The following KLHL13 variants were observed in gnomAD, a reference collection of about 807,000 sequenced individuals.
KLHL13 encodes the protein kelch-like protein 13.
Under a neutral mutation model 37.1 loss-of-function variants are expected in KLHL13, and 10 were observed. The observed-to-expected ratio is 0.27, with a 90% CI of 0.17 to 0.46. The LOEUF is 0.46. KLHL13 is among the 20% of genes least tolerant of loss of function. The pLI, the probability that KLHL13 is intolerant of heterozygous loss-of-function variation, is 1.00. For missense variants in KLHL13, 360 were observed against 509.3 expected, an observed-to-expected ratio of 0.71 and a Z score of 2.82; for synonymous variants, 163 against 181.2, an observed-to-expected ratio of 0.90 and a Z score of 0.81.
At chrX:118,071,132 A>T (rs1304413885) in intron 1 of KLHL13, among the ~76,000 whole-genome samples, 2 of 112,062 alleles carry the variant, frequency 1.8e-5, no homozygotes, top group Non-Finnish European at 3.8e-5. Flanking sequence ...TATATGTGCC[A>T]CATTCTCTTA....
intron 1 of KLHL13, among the ~76,000 whole-genome samples, chrX:118,098,819 G>A (rs1299595288): frequency 6.7e-5 from 7 of 103,979 alleles, no homozygotes; most frequent in South Asian, 4.7e-4. Flanking sequence ...GCAAACTACC[G>A]CAAAGACAAA....
At chrX:117,953,694 C>T (rs1297999691) in intron 1 of KLHL13, among the ~76,000 whole-genome samples, 2 of 111,425 alleles carry the variant, frequency 1.8e-5, no homozygotes, top group East Asian at 5.6e-4. Flanking sequence ...CCCATTTATA[C>T]CAAGCCTAAA....
Position 117,913,366 on chromosome X carries a change from A to G in KLHL13, c.571-3270T>C, listed in dbSNP as rs143360698. ...TGGACTTATAATGCAATTTACATAT[A>G]TAATAGAATACACATTGAAAATATA... On this transcript the variant is annotated intron_variant, in intron 4 of 6. Transcript: ENST00000262820. Among the ~76,000 whole-genome samples, 1,029 of 112,438 alleles carry G rather than the reference A, an allele frequency of 9.2e-3. 15 individuals are homozygous for G. The highest frequency in any genetic ancestry group is 0.031 in the African/African-American group (951 of 30,989).
At chrX:118,086,369 T>C (rs1195751698) in intron 1 of KLHL13, among the ~76,000 whole-genome samples, 1 of 111,708 alleles carries the variant, frequency 9.0e-6, no homozygotes, top group African/African-American at 3.2e-5. Context: ...GTTGTACTAA[T>C]TTACATTCCC....
At chrX:118,076,536 C>T (rs1326640113) in intron 1 of KLHL13, among the ~76,000 whole-genome samples, 1 of 111,353 alleles carries the variant, frequency 9.0e-6, no homozygotes. Context: ...GAAGAAGAGA[C>T]TTGTGGAGCA....
At chrX:117,909,344 T>A in exon 5 of KLHL13, 3 of 1,207,228 alleles carry the variant, frequency 2.5e-6, no homozygotes, top group African/African-American at 3.5e-5. Flanking sequence ...CATACAGATA[T>A]CCTTTGAGGG....
chrX:118,052,912 C>A (rs2054633109), intron 1 of KLHL13, among the ~76,000 whole-genome samples: 1 of 110,064 alleles, frequency 9.1e-6, no homozygotes, highest in African/African-American at 3.3e-5. Context: ...TAAGGGTTGA[C>A]ACAAAACTTA....
chrX:117,939,402 C>G (rs6603350), intron 2 of KLHL13, among the ~76,000 whole-genome samples: 11,474 of 111,654 alleles, frequency 0.1, 593 homozygotes, highest in African/African-American at 0.2. Flanking sequence ...ATAAACATAC[C>G]TGTGCATGTG....
At chrX:118,109,961 GCCAGGGGTTCAACACCAGC>G (rs763051353) in intron 1 of KLHL13, among the ~76,000 whole-genome samples, 2 of 111,415 alleles carry the variant, frequency 1.8e-5, no homozygotes, top group African/African-American at 6.5e-5. Context: ...ATCACTTGAG[GCCAGGGGTTCAACACCAGC>G]CTGGGCAACA....
chrX:118,098,209 C>T (rs1241763926), intron 1 of KLHL13, among the ~76,000 whole-genome samples: 2 of 111,685 alleles, frequency 1.8e-5, no homozygotes, highest in African/African-American at 6.5e-5. Context: ...CCAGAATCTA[C>T]AATGAACTCA....
chrX:118,069,324 G>A (rs1208065746), intron 1 of KLHL13, among the ~76,000 whole-genome samples: 2 of 107,621 alleles, frequency 1.9e-5, no homozygotes, highest in Non-Finnish European at 3.8e-5. Context: ...AGATGTGTAA[G>A]TGGAAGGCAG....
chrX:118,091,885 T>C (rs921887886), intron 1 of KLHL13, among the ~76,000 whole-genome samples: 5 of 112,047 alleles, frequency 4.5e-5, no homozygotes, highest in Admixed American at 9.5e-5. Context: ...AATAATGGCA[T>C]TCACAGCAAC....
intron 1 of KLHL13, among the ~76,000 whole-genome samples, chrX:118,016,760 T>C (rs940972682): frequency 4.5e-5 from 5 of 111,463 alleles, no homozygotes; most frequent in Non-Finnish European, 7.6e-5. Context: ...TGAGGCTTTA[T>C]GTAGGGTATG....
intron 1 of KLHL13, among the ~76,000 whole-genome samples, chrX:117,962,313 GTT>G (rs373524431): frequency 9.6e-6 from 1 of 104,009 alleles, no homozygotes. Context: ...AGAGGTTTGG[GTT>G]TTTTTTTTTC....
At chrX:117,941,867 G>A (rs6646006) in intron 2 of KLHL13, among the ~76,000 whole-genome samples, 10,090 of 110,248 alleles carry the variant, frequency 0.092, 427 homozygotes, top group African/African-American at 0.16. Context: ...ATTTCTTGTC[G>A]TCTGCTAGCT....
intron 1 of KLHL13, among the ~76,000 whole-genome samples, chrX:118,006,372 C>CA (rs113553426): frequency 0.011 from 1,087 of 99,434 alleles, 17 homozygotes; most frequent in African/African-American, 0.033. Flanking sequence ...TTAATTGTGC[C>CA]AAAAAAAAAA....
At chrX:118,053,848 A>G (rs866035862) in intron 1 of KLHL13, among the ~76,000 whole-genome samples, 26 of 28,800 alleles carry the variant, frequency 9.0e-4, no homozygotes, top group African/African-American at 2.3e-3. Context: ...AGAGAGAGAG[A>G]GGAGAGAGAG....
intron 1 of KLHL13, among the ~76,000 whole-genome samples, chrX:117,965,584 C>G (rs946523673): frequency 9.0e-6 from 1 of 110,720 alleles, no homozygotes; most frequent in Non-Finnish European, 1.9e-5. Context: ...TACCAAAGTC[C>G]GGCAGAGACA....
intron 4 of KLHL13, among the ~76,000 whole-genome samples, chrX:117,915,385 C>A (rs1931279040): frequency 1.8e-5 from 2 of 110,738 alleles, no homozygotes; most frequent in Non-Finnish European, 3.8e-5. Flanking sequence ...CACTTATGTA[C>A]CTCCTTTATT....
Sources: gnomAD v4.1 joint callset for allele counts (sites outside exome capture counted in the v4.1 genomes callset) on GRCh38, gnomAD v4.1.1 for gene constraint, MANE v1.5 for transcripts, NCBI Gene and HGNC (gene_info 2026-07-23, HGNC 2026-07-21) for gene names.